The following PDCD6IP variants were observed in gnomAD, a reference collection of about 807,000 sequenced individuals.
PDCD6IP encodes the protein programmed cell death 6 interacting protein, also known as programmed cell death 6-interacting protein.
Under a neutral mutation model 103.7 loss-of-function variants are expected in PDCD6IP, and 43 were observed. The ratio of observed to expected loss-of-function variants is 0.41; its 90% CI spans 0.32 to 0.53. The LOEUF (loss-of-function observed/expected upper bound fraction) is 0.53. Among genes scored for constraint, PDCD6IP ranks in the 20% least tolerant of loss-of-function variants. The pLI, the probability that PDCD6IP is intolerant of heterozygous loss-of-function variation, is 0.16. For synonymous variants in PDCD6IP, 354 were observed against 378.7 expected (o/e 0.93, Z 0.76); for missense variants, 871 against 1,036.7 (o/e 0.84, Z 2.20).
rs2125455034 is a variant in PDCD6IP at position 33,865,171 on chromosome 3, A to G, written c.2245-72A>G. 9 of 1,069,680 alleles carry G rather than the reference A, an allele frequency of 8.4e-6. 1 individual carries two copies. The South Asian group carries it at 1.7e-4, about 20-fold the overall frequency. The allele number at this position is 1,069,680 out of a possible 1,614,324, so 66.3% of individuals were successfully genotyped here. ...ATTCTAGAGTTTCTCATATGTCCTT[A>G]TTAATTTTAATTAATAGCAATTTGA... is the stretch of plus-strand genomic sequence containing the variant. On this transcript the variant is annotated intron_variant, in intron 16 of 17. Transcript: ENST00000307296.
rs1201287095 is a variant in PDCD6IP at position 33,867,798 on chromosome 3, G to T, written c.*1273G>T. ...TCTGAACACATTAGGCATATGAGCA[G>T]ATTTCCAGTGAATCTATTTATGTTT... is the stretch of plus-strand genomic sequence containing the variant. On this transcript the variant is annotated 3_prime_UTR_variant, in exon 18 of 18. Transcript: ENST00000307296. 6.6e-6 allele frequency: 1 copy of T among 152,200 alleles called. No individual in the cohort carries two copies. Among genetic ancestry groups the T allele is most frequent in the Non-Finnish European group, 1.5e-5 (1 of 68,012 alleles). The allele number at this position is 152,200 out of a possible 1,614,324, so 9.4% of individuals were successfully genotyped here.
In PDCD6IP at chr3:33,845,507, C is replaced by T. The variant is rs142166776; in HGVS notation, c.1560C>T (p.Ile520=). ...GTTACCAGTCTCATCGTGACACCAT[C>T]GTGCTTTTGTGTAAGCCAGAGCCTG... ...KECYQSHRDT[I]VLLCKPEPEL... The change falls in exon 12 of 18, where the codon ATC becomes ATT. Residue 520 remains isoleucine, a synonymous_variant. Coordinates refer to ENST00000307296, the MANE Select transcript of PDCD6IP (RefSeq NM_013374.6). 97 of 1,613,738 alleles carry T rather than the reference C, an allele frequency of 6.0e-5. No homozygotes were observed. The African/African-American group carries it at 7.5e-4, about 12-fold the overall frequency.
chr3:33,852,482 G>C lies in PDCD6IP; in HGVS notation c.1642-6G>C, dbSNP rs904183322. 1.5e-6 allele frequency: 1 copy of C among 669,608 alleles called. No homozygotes were observed. The highest frequency in any genetic ancestry group is 8.2e-5 in the East Asian group (1 of 12,196). 41.5% of individuals were successfully genotyped at this position (669,608 alleles called of 1,614,324 possible). The stretch of plus-strand genomic sequence containing the variant: ...GCAGTTAAACTAAGGTGTCTTTTTT[G>C]TTTAGGTTGTAAATGTCTTAAAATC... On this transcript the variant is annotated splice_polypyrimidine_tract_variant and splice_region_variant and intron_variant, in intron 12 of 17. Transcript: ENST00000307296.
At chr3:33,825,085 T>C (rs1476669816) in intron 4 of PDCD6IP, 102 bp from the exon 5 acceptor site, 1 of 970,310 alleles carries the variant, frequency 1.0e-6, no homozygotes. Context: ...TTAAATATAT[T>C]AACTGTTCAC....
chr3:33,858,043 G>C (rs551267546), intron 15 of PDCD6IP, among the ~76,000 whole-genome samples: 3 of 152,098 alleles, frequency 2.0e-5, no homozygotes, highest in Non-Finnish European at 4.4e-5. Context: ...GAAAACCCAA[G>C]AGAACCCCAA....
At chr3:33,850,371 AGT>A (rs1221062798) in intron 12 of PDCD6IP, among the ~76,000 whole-genome samples, 1 of 151,854 alleles carries the variant, frequency 6.6e-6, no homozygotes, top group African/African-American at 2.4e-5. Flanking sequence ...TCGTTTTTTG[AGT>A]GTGTAAAAAA....
At chr3:33,806,792 A>G (rs975990907) in intron 1 of PDCD6IP, among the ~76,000 whole-genome samples, 1 of 152,232 alleles carries the variant, frequency 6.6e-6, no homozygotes, top group African/African-American at 2.4e-5. Flanking sequence ...TATGAGGGAT[A>G]ATACCTTGTG....
intron 4 of PDCD6IP, among the ~76,000 whole-genome samples, chr3:33,824,467 A>T (rs746511078): frequency 3.9e-5 from 6 of 152,124 alleles, no homozygotes; most frequent in Non-Finnish European, 5.9e-5. Context: ...CATGTTGGCC[A>T]GGCTGGTCTT....
chr3:33,801,002 T>TA (rs2125539066), intron 1 of PDCD6IP, among the ~76,000 whole-genome samples: 1 of 152,356 alleles, frequency 6.6e-6, no homozygotes. Context: ...CTGTTGTAGA[T>TA]ATAGTCTCTT....
chr3:33,862,035 T>A (rs1697966578), intron 15 of PDCD6IP, among the ~76,000 whole-genome samples: 2 of 152,264 alleles, frequency 1.3e-5, no homozygotes, highest in South Asian at 2.1e-4. Context: ...CTTTTATAAG[T>A]GGCTAGGAAA....
In PDCD6IP at chr3:33,798,813, T is replaced by G. The variant is rs1490148655; in HGVS notation, c.85T>G (p.Tyr29Asp). 2 of 1,566,982 alleles carry G rather than the reference T, an allele frequency of 1.3e-6. No homozygotes were observed. The highest frequency in any genetic ancestry group is 3.8e-5 in the Admixed American group (2 of 53,138). The change falls in exon 1 of 18, where the codon TAC becomes GAC. Residue 29 changes from tyrosine to aspartate, a missense_variant. Coordinates refer to ENST00000307296, the MANE Select transcript of PDCD6IP (RefSeq NM_013374.6). Reference sequence around the variant, plus strand: ...GCTGGTGAAGTTCATCCAGCAGACTTACCCAAGCGGCGGGGAAGAGCAGGC... The same window carrying G: ...GCTGGTGAAGTTCATCCAGCAGACTGACCCAAGCGGCGGGGAAGAGCAGGC... The part of the protein sequence containing the change: ...KPLVKFIQQT[Y>D]PSGGEEQAQY...
intron 1 of PDCD6IP, among the ~76,000 whole-genome samples, chr3:33,803,517 T>C (rs1338060051): frequency 6.6e-6 from 1 of 152,212 alleles, no homozygotes; most frequent in Non-Finnish European, 1.5e-5. Context: ...TGTAGCATTT[T>C]CTGGATATTT....
rs1697735701 is a variant in PDCD6IP, at chr3:33,852,436, GCT to G, written c.1642-51_1642-50del. The G allele has an allele frequency of 1.6e-5, 11 of 683,642 alleles. No homozygotes were observed. In the South Asian group the frequency reaches 1.9e-4, roughly 12 times the overall value. 42.3% of individuals were successfully genotyped at this position (683,642 alleles called of 1,614,324 possible). ...ATATATTATTTCCTTCTCGAAATTG[GCT>G]TTTTTTTTTTTTTTTTTTGCAGTTA... On this transcript the variant is annotated intron_variant, in intron 12 of 17. Coordinates refer to ENST00000307296, the MANE Select transcript of PDCD6IP (RefSeq NM_013374.6).
chr3:33,840,884 C>T (rs1697452630), intron 9 of PDCD6IP, among the ~76,000 whole-genome samples: 1 of 152,106 alleles, frequency 6.6e-6, no homozygotes, highest in Non-Finnish European at 1.5e-5. Context: ...GTTAGAGATG[C>T]TGTAACAATC....
intron 12 of PDCD6IP, 137 bp from the exon 13 acceptor site, chr3:33,852,351 C>T (rs1209660163): frequency 1.2e-5 from 17 of 1,382,468 alleles, no homozygotes; most frequent in South Asian, 3.2e-5. Context: ...ATAAACCTGA[C>T]GTTCAATTTA....
At chr3:33,835,453 AAGCCTGTAATCCC>A in intron 7 of PDCD6IP, 1 of 382,044 alleles carries the variant, frequency 2.6e-6, no homozygotes, top group Middle Eastern at 3.9e-4. Flanking sequence ...ACAGTGGCGC[AAGCCTGTAATCCC>A]AGCACTTTGG....
At chr3:33,839,085 G>A (rs1033412292) in intron 9 of PDCD6IP, among the ~76,000 whole-genome samples, 18 of 152,108 alleles carry the variant, frequency 1.2e-4, no homozygotes, top group Non-Finnish European at 2.5e-4. Context: ...GGGATTACGG[G>A]CATGAGCCAC....
In PDCD6IP at chr3:33,828,977, T is replaced by A; in HGVS notation, c.834+8T>A. The A allele has an allele frequency of 6.3e-7, 1 of 1,575,768 alleles. No individual in the cohort carries two copies. The highest frequency in any genetic ancestry group is 8.6e-7 in the Non-Finnish European group (1 of 1,161,308). On this transcript the variant is annotated splice_region_variant and intron_variant, in intron 7 of 17. Coordinates refer to ENST00000307296, the MANE Select transcript of PDCD6IP (RefSeq NM_013374.6). ...GAAATTGCAAGGTTACAGGTGAGTCTCTTGGTAATAAATATTTAAGTAACT... is the reference window on the plus strand; with the variant it reads ...GAAATTGCAAGGTTACAGGTGAGTCACTTGGTAATAAATATTTAAGTAACT...
At chr3:33,826,981 AGC>A in intron 6 of PDCD6IP, 1 of 995,374 alleles carries the variant, frequency 1.0e-6, no homozygotes, top group Non-Finnish European at 1.2e-6. Flanking sequence ...TGAGCCTTAA[AGC>A]GCAAAAACAG....
Sources: gnomAD v4.1 joint callset for allele counts (sites outside exome capture counted in the v4.1 genomes callset) on GRCh38, gnomAD v4.1.1 for gene constraint, MANE v1.5 for transcripts, NCBI Gene and HGNC (gene_info 2026-07-23, HGNC 2026-07-21) for gene names.